CCNH: variants seen among roughly 807,000 people sequenced by gnomAD.
CCNH encodes cyclin H.
A neutral mutation model predicts 41.9 loss-of-function variants in CCNH; 31 were observed. The ratio of observed to expected loss-of-function variants is 0.74; its 90% CI spans 0.56 to 1.00. The LOEUF (loss-of-function observed/expected upper bound fraction) is 1.00. Ranked by LOEUF, CCNH falls within the 50% of genes least tolerant of loss-of-function variation. CCNH has a pLI of 0.00. For missense variants in CCNH, 362 were observed against 388.4 expected (o/e 0.93, Z 0.57); for synonymous variants, 138 against 136.1 (o/e 1.01, Z -0.10).
chr5:87,333,325 C>T (rs1233811272), intron 9 of CCNH: 1 of 1,612,972 alleles, frequency 6.2e-7, no homozygotes, highest in Non-Finnish European at 8.5e-7. Flanking sequence ...GTACCAGACA[C>T]TGATGAAATA....
At chr5:87,339,028 T>C (rs972790522) in intron 9 of CCNH, among the ~76,000 whole-genome samples, 3 of 152,162 alleles carry the variant, frequency 2.0e-5, no homozygotes, top group Admixed American at 6.5e-5. Flanking sequence ...ACTTTGGAAT[T>C]CTCCCTTTCC....
chr5:87,403,228 G>GAA (rs72291520), intron 5 of CCNH, among the ~76,000 whole-genome samples: 4 of 124,468 alleles, frequency 3.2e-5, no homozygotes, highest in African/African-American at 6.2e-5. Flanking sequence ...TTCCCTAAAG[G>GAA]AAAAAAAAAA....
downstream of CCNH, among the ~76,000 whole-genome samples, chr5:87,388,080 T>C (rs1265890433): frequency 6.6e-6 from 1 of 152,170 alleles, no homozygotes; most frequent in African/African-American, 2.4e-5. Context: ...ATAAAATAAC[T>C]TTTGTTTTAC....
downstream of CCNH, among the ~76,000 whole-genome samples, chr5:87,375,263 T>C (rs1225872171): frequency 6.7e-6 from 1 of 149,362 alleles, no homozygotes; most frequent in African/African-American, 2.5e-5. Context: ...TTTTTCCTGC[T>C]TTTTTTTTTC....
At position 87,394,448 on chromosome 5, in the gene CCNH, A is replaced by G. The variant is rs1762757659; in HGVS notation, c.970T>C (p.Ter324GlnextTer15). ...ATTGAGAAATCAACTTCAAATGGTT[A>G]GAGAGATTCTACCAGGTCGTCATCA... is the stretch of plus-strand genomic sequence containing the variant. ...WTDDDLVESL* is the reference protein window; with the variant it reads ...WTDDDLVESLQ The change falls in exon 9 of 9, where the codon TAA becomes CAA. Residue 324 changes from the stop codon to glutamine, a stop_lost. Coordinates refer to ENST00000256897, the MANE Select transcript of CCNH (RefSeq NM_001239.4). The G allele has an allele frequency of 1.9e-6, 3 of 1,612,168 alleles. No homozygotes were observed. Among genetic ancestry groups the G allele is most frequent in the Non-Finnish European group, 2.5e-6 (3 of 1,178,362 alleles).
At chr5:87,379,839 A>T, upstream of CCNH, 1 of 1,612,576 alleles carries the variant, frequency 6.2e-7, no homozygotes, top group Non-Finnish European at 8.5e-7. Context: ...TGGCTTCAGA[A>T]ATACTTCCAC....
chr5:87,315,246 G>T (rs1756236672), downstream of CCNH, among the ~76,000 whole-genome samples: 2 of 152,152 alleles, frequency 1.3e-5, no homozygotes, highest in South Asian at 4.1e-4. Context: ...TTACAATTTT[G>T]GATGCTGGGA....
At chr5:87,384,849 GCTT>G (rs1254624155) in intron 9 of CCNH, among the ~76,000 whole-genome samples, 1 of 152,008 alleles carries the variant, frequency 6.6e-6, no homozygotes, top group Non-Finnish European at 1.5e-5. Context: ...ACTTTATCTT[GCTT>G]CTTGAGCTTT....
chr5:87,376,128 T>C (rs1342952041), downstream of CCNH: 8 of 492,856 alleles, frequency 1.6e-5, no homozygotes, highest in Admixed American at 2.3e-4. Context: ...CATAATTGAT[T>C]TCTTGCCTTC....
At chr5:87,314,378 A>G (rs1756156968), downstream of CCNH, among the ~76,000 whole-genome samples, 1 of 152,146 alleles carries the variant, frequency 6.6e-6, no homozygotes, top group Admixed American at 6.5e-5. Flanking sequence ...AGATAATATT[A>G]TAGATGTATA....
chr5:87,328,487 A>G (rs1757393405), intron 9 of CCNH, among the ~76,000 whole-genome samples: 1 of 152,214 alleles, frequency 6.6e-6, no homozygotes, highest in Non-Finnish European at 1.5e-5. Flanking sequence ...AGAGGCAGAA[A>G]GTGTAGCATT....
intron 4 of CCNH, 65 bp downstream of exon 4, chr5:87,407,911 T>C: frequency 3.3e-6 from 4 of 1,222,744 alleles, no homozygotes; most frequent in Non-Finnish European, 4.8e-6. Flanking sequence ...TTTAAAATTT[T>C]GGATTCTTTT....
upstream of CCNH, among the ~76,000 whole-genome samples, chr5:87,378,961 A>G (rs927481105): frequency 2.6e-5 from 4 of 152,212 alleles, no homozygotes; most frequent in African/African-American, 9.6e-5. Context: ...TAAAACAAAA[A>G]AATCTTTTTA....
downstream of CCNH, among the ~76,000 whole-genome samples, chr5:87,387,620 A>G (rs977236716): frequency 6.6e-6 from 1 of 152,120 alleles, no homozygotes; most frequent in African/African-American, 2.4e-5. Flanking sequence ...AGGGAGTGCT[A>G]GGATTGGAGA....
chr5:87,410,604 G>C (rs1258066616), intron 2 of CCNH, among the ~76,000 whole-genome samples: 3 of 152,082 alleles, frequency 2.0e-5, no homozygotes, highest in African/African-American at 4.8e-5. Context: ...ACCAGTGAGA[G>C]AATAACGTAA....
At position 87,408,112 on chromosome 5, in the gene CCNH, C is replaced by A; in HGVS notation, c.389G>T (p.Arg130Leu). The change falls in exon 4 of 9, where the codon CGG (arginine) becomes CTG (leucine). Residue 130 changes from arginine (R) to leucine (L), a missense_variant. Physicochemically the swap from Arg to Leu is moderately radical, Grantham distance 102. Coordinates refer to ENST00000256897, the MANE Select transcript of CCNH (RefSeq NM_001239.4). ...CTTCTCCTGTCCAAGAGGACTCTCC[C>A]GGAGGTTTCCAACAAACTGAGGACT... Reference protein sequence around the residue: ...VSSPQFVGNLRESPLGQEKAL... With the variant: ...VSSPQFVGNLLESPLGQEKAL... The A allele has an allele frequency of 6.2e-7, 1 of 1,612,352 alleles. No homozygotes were observed. The highest frequency in any genetic ancestry group is 8.5e-7 in the Non-Finnish European group (1 of 1,179,008).
intron 2 of CCNH, among the ~76,000 whole-genome samples, chr5:87,409,699 G>C (rs1764081447): frequency 6.6e-6 from 1 of 151,028 alleles, no homozygotes; most frequent in Non-Finnish European, 1.5e-5. Context: ...TTCTGAATTA[G>C]ATAAATTCAG....
At chr5:87,333,117 C>G in intron 9 of CCNH, 1 of 1,185,534 alleles carries the variant, frequency 8.4e-7, no homozygotes, top group Non-Finnish European at 1.1e-6. Flanking sequence ...TTTCTAGGCA[C>G]TGGGTATTTA....
chr5:87,315,247 GAT>G (rs1756237483), downstream of CCNH, among the ~76,000 whole-genome samples: 1 of 152,134 alleles, frequency 6.6e-6, no homozygotes, highest in South Asian at 2.1e-4. Flanking sequence ...TACAATTTTG[GAT>G]GCTGGGAAGT....
Sources: gnomAD v4.1 joint callset for allele counts (sites outside exome capture counted in the v4.1 genomes callset) on GRCh38, gnomAD v4.1.1 for gene constraint, MANE v1.5 for transcripts, NCBI Gene and HGNC (gene_info 2026-07-23, HGNC 2026-07-21) for gene names.